SPTAN1: variants seen among roughly 807,000 people sequenced by gnomAD.
SPTAN1 encodes spectrin alpha, non-erythrocytic 1.
Under a neutral mutation model 331.3 loss-of-function variants are expected in SPTAN1, and 61 were observed. The ratio of observed to expected loss-of-function variants is 0.18; its 90% CI spans 0.15 to 0.23. SPTAN1 has a LOEUF of 0.23. Among genes scored for constraint, SPTAN1 ranks in the 10% least tolerant of loss-of-function variants. The probability of loss-of-function intolerance (pLI) is 1.00; values close to 1 mark genes in which losing one functional copy is unlikely to be tolerated. For missense variants in SPTAN1, 2,043 were observed against 3,147.9 expected, an observed-to-expected ratio of 0.65 and a Z score of 8.40; for synonymous variants, 1,153 against 1,173.9, an observed-to-expected ratio of 0.98 and a Z score of 0.36.
At position 128,624,387 on chromosome 9, in the gene SPTAN1, A is replaced by G; in HGVS notation, c.5892A>G (p.Ser1964=). 1 of 1,614,088 alleles carries G rather than the reference A, an allele frequency of 6.2e-7. No homozygotes were observed. The highest frequency in any genetic ancestry group is 8.5e-7 in the Non-Finnish European group (1 of 1,180,036). ...TGAAGGGCCTGAACGGGAAAGTGTC[A>G]GACCTGGAGAAAGCTGCAGCCCAGA... ...SKMKGLNGKV[S]DLEKAAAQRK... is the part of the protein sequence containing the mutation. Residue 1964 remains serine (S), a synonymous_variant, in exon 46 of 57, where the codon TCA becomes TCG. Transcript: ENST00000372739.
chr9:128,567,126 T>C (rs1026384378), intron 2 of SPTAN1, 149 bp downstream of exon 2: 42 of 1,174,070 alleles, frequency 3.6e-5, no homozygotes, highest in Non-Finnish European at 5.1e-5. Context: ...TGTTTTCCTG[T>C]ATTAGTGAGG....
At chr9:128,561,261 T>C (rs1279478895) in intron 1 of SPTAN1, among the ~76,000 whole-genome samples, 1 of 151,350 alleles carries the variant, frequency 6.6e-6, no homozygotes, top group Non-Finnish European at 1.5e-5. Context: ...TAGTCCCAGC[T>C]ACTCGGGAGG....
Position 128,632,757 on chromosome 9 carries a change from G to A in SPTAN1, c.7160+39G>A, listed in dbSNP as rs376196799. ...GGCCAGGTGCTGTGAGCCTCTGCCC[G>A]GGGCACCCACCTGCCCTCCCTGCTC... On this transcript the variant is annotated intron_variant, in intron 55 of 56. Transcript: ENST00000372739. The A allele has an allele frequency of 3.7e-4, 600 of 1,613,880 alleles. 1 individual carries two copies. The highest frequency in any genetic ancestry group is 5.9e-4 in the African/African-American group (44 of 74,934).
At chr9:128,572,307 C>T (rs995485516) in intron 3 of SPTAN1, among the ~76,000 whole-genome samples, 15 of 150,676 alleles carry the variant, frequency 1.0e-4, no homozygotes, top group African/African-American at 2.9e-4. Context: ...TTGTCCACCC[C>T]GTCAGCTTTC....
intron 52 of SPTAN1, 151 bp downstream of exon 52, chr9:128,630,526 A>G (rs139321348): frequency 2.9e-6 from 2 of 690,274 alleles, no homozygotes; most frequent in Admixed American, 2.4e-5. Flanking sequence ...GCTCTTCACT[A>G]TCTCTCTCTC....
At chr9:128,628,508 T>G (rs138968543) in intron 51 of SPTAN1, 11 of 296,014 alleles carry the variant, frequency 3.7e-5, no homozygotes, top group Non-Finnish European at 7.4e-5. Context: ...ACCCGTTATG[T>G]GATAGACAGG....
intron 3 of SPTAN1, 127 bp downstream of exon 3, chr9:128,569,024 C>A: frequency 7.4e-7 from 1 of 1,345,954 alleles, no homozygotes; most frequent in Non-Finnish European, 1.0e-6. Context: ...TTTATGAAGT[C>A]TCCTTAAGAA....
chr9:128,598,167 C>T (rs1364092626), intron 24 of SPTAN1, among the ~76,000 whole-genome samples: 7 of 151,666 alleles, frequency 4.6e-5, no homozygotes, highest in African/African-American at 9.7e-5. Context: ...AGGTTGGTCT[C>T]GAACTCCCGA....
At chr9:128,574,222 T>C (rs1851045138) in intron 3 of SPTAN1, among the ~76,000 whole-genome samples, 1 of 151,722 alleles carries the variant, frequency 6.6e-6, no homozygotes. Context: ...CATTTTTCCT[T>C]TCCCAGTAGT....
chr9:128,580,226 G>A (rs1376421978), intron 10 of SPTAN1, among the ~76,000 whole-genome samples: 1 of 151,398 alleles, frequency 6.6e-6, no homozygotes, highest in Non-Finnish European at 1.5e-5. Context: ...GTTATAATGA[G>A]TTATGATTTG....
At position 128,611,848 on chromosome 9, in the gene SPTAN1, A is replaced by G; in HGVS notation, c.4905+3A>G. 2 of 1,614,152 alleles carry G rather than the reference A, an allele frequency of 1.2e-6. No individual in the cohort carries two copies. The highest frequency in any genetic ancestry group is 1.7e-6 in the Non-Finnish European group (2 of 1,180,028). On this transcript the variant is annotated splice_donor_region_variant and intron_variant, in intron 38 of 56. Transcript: ENST00000372739. ...CCGGCAGTGAGGATGCTGTCAAGGT[A>G]TGGCCCACCAGCTCCCGGTGCCCAG...
intron 51 of SPTAN1, chr9:128,628,296 A>G (rs1362335090): frequency 2.4e-6 from 1 of 421,718 alleles, no homozygotes; most frequent in African/African-American, 2.0e-5. Context: ...TTGGGCTCTC[A>G]CCTCTGCTTC....
At chr9:128,620,766 G>T (rs553577211) in intron 44 of SPTAN1, among the ~76,000 whole-genome samples, 6 of 152,086 alleles carry the variant, frequency 3.9e-5, no homozygotes, top group Non-Finnish European at 8.8e-5. Flanking sequence ...TCTGAGATGT[G>T]TTCAAGTTAA....
intron 45 of SPTAN1, among the ~76,000 whole-genome samples, chr9:128,622,447 G>A (rs1446021808): frequency 6.6e-6 from 1 of 151,918 alleles, no homozygotes; most frequent in African/African-American, 2.4e-5. Context: ...TTACAGGCAT[G>A]TGCCACTATG....
intron 1 of SPTAN1, among the ~76,000 whole-genome samples, chr9:128,560,948 G>A (rs1032723058): frequency 5.8e-5 from 8 of 138,276 alleles, no homozygotes; most frequent in South Asian, 2.3e-4. Flanking sequence ...CCTGGGAGGC[G>A]GATGTTGCTG....
chr9:128,626,116 G>A, intron 48 of SPTAN1, 138 bp downstream of exon 48: 1 of 1,138,810 alleles, frequency 8.8e-7, no homozygotes, highest in African/African-American at 1.6e-5. Context: ...GGTGTGGCTG[G>A]CATCAATTAA....
rs967318113 is a variant in SPTAN1, at chr9:128,629,908, T to A, written c.6708-413T>A. ...CTCCAGGGTTTCTGTGGGGAGGCTGTCAGGTTCTCAGCCTCCCCTCTGCCC... is the reference window on the plus strand; with the variant it reads ...CTCCAGGGTTTCTGTGGGGAGGCTGACAGGTTCTCAGCCTCCCCTCTGCCC... On this transcript the variant is annotated intron_variant, in intron 51 of 56. Transcript: ENST00000372739. This position sits in a 1 kb window ranked among gnomAD's most constrained non-coding sequence, Gnocchi z 4.9. 6 of 352,062 alleles carry A rather than the reference T, an allele frequency of 1.7e-5. No homozygotes were observed. Among genetic ancestry groups the A allele is most frequent in the Non-Finnish European group, 3.3e-5 (6 of 179,466 alleles). 21.8% of individuals were successfully genotyped at this position (352,062 alleles called of 1,614,324 possible).
chr9:128,586,111 GGTTTTT>G, intron 19 of SPTAN1, 146 bp downstream of exon 19: 1 of 430,152 alleles, frequency 2.3e-6, no homozygotes, highest in East Asian at 4.9e-5. Context: ...TTTTTCACTT[GGTTTTT>G]TTTTTTTTTT....
In SPTAN1 at chr9:128,627,710, AGTT is replaced by A. The variant is rs1858979100; in HGVS notation, c.6690-211_6690-209del. 2.5e-6 allele frequency: 2 copies of A among 789,514 alleles called. No homozygotes were observed. The highest frequency in any genetic ancestry group is 1.5e-5 in the South Asian group (1 of 66,870). The allele number at this position is 789,514 out of a possible 1,614,324, so 48.9% of individuals were successfully genotyped here. On this transcript the variant is annotated intron_variant, in intron 50 of 56. Coordinates refer to ENST00000372739, the MANE Select transcript of SPTAN1 (RefSeq NM_001130438.3). This position sits in a 1 kb window ranked among gnomAD's most constrained non-coding sequence, Gnocchi z 4.9. ...TCAGTGCTGCATGTCCCAGACATCA[AGTT>A]GTTAGAGATCCCGGATTGAGTGGGA...
Sources: allele counts gnomAD v4.1 joint callset (sites outside exome capture counted in the v4.1 genomes callset), GRCh38; gene constraint gnomAD v4.1.1; non-coding constraint Gnocchi (gnomAD v3.1); transcripts MANE v1.5; gene names NCBI Gene and HGNC (gene_info 2026-07-23, HGNC 2026-07-21).